Variants in LAMA2 observed in about 807,000 individuals in gnomAD.
LAMA2 encodes the protein laminin subunit alpha 2.
In LAMA2, 269 loss-of-function variants were observed where a neutral mutation model predicts 364.8. The observed-to-expected ratio is 0.74, with a 90% CI of 0.67 to 0.82. The LOEUF is 0.82. Among genes scored for constraint, LAMA2 ranks in the 40% least tolerant of loss-of-function variants. The pLI, the probability that LAMA2 is intolerant of heterozygous loss-of-function variation, is 0.00. For missense variants in LAMA2, 3,807 were observed against 3,873.2 expected, an observed-to-expected ratio of 0.98 and a Z score of 0.45; for synonymous variants, 1,379 against 1,370.6, an observed-to-expected ratio of 1.01 and a Z score of -0.14.
At chr6:129,145,672 G>A (rs559636575) in intron 5 of LAMA2, among the ~76,000 whole-genome samples, 3 of 151,858 alleles carry the variant, frequency 2.0e-5, no homozygotes, top group Admixed American at 6.6e-5. Context: ...TAACTTTATC[G>A]TACATGAGTC....
At chr6:129,050,368 T>C (rs1474798497) in intron 2 of LAMA2, among the ~76,000 whole-genome samples, 1 of 152,126 alleles carries the variant, frequency 6.6e-6, no homozygotes, top group Non-Finnish European at 1.5e-5. Context: ...TTTCTGAGGG[T>C]GTGGTTATTA....
intron 10 of LAMA2, 22 bp from the exon 11 acceptor site, chr6:129,190,183 T>C: frequency 6.2e-7 from 1 of 1,612,264 alleles, no homozygotes; most frequent in Non-Finnish European, 8.5e-7. Flanking sequence ...CCTCTGTTGC[T>C]GATACATCTC....
chr6:129,210,198 T>C (rs1783004242), intron 12 of LAMA2, among the ~76,000 whole-genome samples: 1 of 151,932 alleles, frequency 6.6e-6, no homozygotes, highest in Non-Finnish European at 1.5e-5. Flanking sequence ...TTCCCTAGAC[T>C]TTGACTTTCC....
Position 129,513,791 on chromosome 6 carries a change from TG to T in LAMA2, c.8989-580del, listed in dbSNP as rs143675935. On this transcript the variant is annotated intron_variant, in intron 63 of 64. Transcript: ENST00000421865. ...AGTTCTTCATTGTTAGGAATTTAAC[TG>T]GCCTTCTGGCTCAGGTCTTTGGCAC... 3.5e-3 allele frequency among the ~76,000 whole-genome samples: 538 copies of T among 152,310 alleles called. 1 individual carries two copies. Among genetic ancestry groups the T allele is most frequent in the African/African-American group, 0.012 (497 of 41,576 alleles).
intron 35 of LAMA2, among the ~76,000 whole-genome samples, chr6:129,388,696 C>T (rs1779160834): frequency 1.3e-5 from 2 of 152,080 alleles, no homozygotes; most frequent in South Asian, 2.1e-4. Flanking sequence ...CACACGCGCG[C>T]ACACACACAT....
intron 46 of LAMA2, 60 bp downstream of exon 46, chr6:129,453,191 T>A: frequency 4.8e-6 from 7 of 1,465,850 alleles, no homozygotes; most frequent in Non-Finnish European, 6.7e-6. Context: ...GAGGTTAATC[T>A]GAAAATGTAT....
chr6:129,053,186 C>A (rs1010251121), intron 2 of LAMA2, among the ~76,000 whole-genome samples: 2 of 152,192 alleles, frequency 1.3e-5, no homozygotes, highest in Admixed American at 6.5e-5. Context: ...TCAAGAGATT[C>A]TTCTGCCTCA....
intron 9 of LAMA2, among the ~76,000 whole-genome samples, chr6:129,177,102 T>C (rs138324772): frequency 6.6e-6 from 1 of 152,338 alleles, no homozygotes. Context: ...TGAATAAACA[T>C]TGTGTTTTGT....
In LAMA2 at chr6:129,024,871, C is replaced by T. The variant is rs190233278; in HGVS notation, c.113-25047C>T. ...GGCGGAGACAGGAGGACCCTTTGAG[C>T]TTAGGAGTCTGAGGTTATAGCACAC... On this transcript the variant is annotated intron_variant, in intron 1 of 64. Transcript: ENST00000421865. 3.1e-4 allele frequency among the ~76,000 whole-genome samples: 47 copies of T among 152,134 alleles called. No homozygotes were observed. The East Asian group carries it at 7.8e-3, about 25-fold the overall frequency.
At chr6:129,342,679 T>A (rs551277045) in intron 30 of LAMA2, among the ~76,000 whole-genome samples, 2 of 152,248 alleles carry the variant, frequency 1.3e-5, no homozygotes, top group African/African-American at 4.8e-5. Context: ...TAAATAATAC[T>A]TATTAATTAA....
intron 19 of LAMA2, 24 bp downstream of exon 19, chr6:129,288,082 C>T (rs886038292): frequency 2.5e-6 from 4 of 1,592,942 alleles, no homozygotes; most frequent in Non-Finnish European, 3.4e-6. Context: ...TATTGATGCC[C>T]CTGACAGAAT....
At chr6:129,190,457 C>T (rs1020095543) in intron 11 of LAMA2, 112 bp downstream of exon 11, 4 of 1,099,222 alleles carry the variant, frequency 3.6e-6, no homozygotes, top group Non-Finnish European at 5.3e-6. Flanking sequence ...CATAAAGTTA[C>T]AGGAAGAAGT....
At chr6:129,383,055 G>A (rs1778784034) in intron 34 of LAMA2, 67 bp from the exon 35 acceptor site, 1 of 1,287,860 alleles carries the variant, frequency 7.8e-7, no homozygotes, top group Admixed American at 1.8e-5. Context: ...TGCAGCCAGT[G>A]GGAGCTTATC....
chr6:129,458,777 GTGTAGTAGGCTA>G (rs1783098780), intron 48 of LAMA2, among the ~76,000 whole-genome samples: 1 of 152,014 alleles, frequency 6.6e-6, no homozygotes, highest in Non-Finnish European at 1.5e-5. Flanking sequence ...GAGCCTAGGT[GTGTAGTAGGCTA>G]TACCATCTAG....
intron 15 of LAMA2, among the ~76,000 whole-genome samples, chr6:129,265,766 A>T (rs913286775): frequency 6.6e-6 from 1 of 152,070 alleles, no homozygotes; most frequent in Admixed American, 6.6e-5. Flanking sequence ...TCTAATGTAG[A>T]TGATGGGTTG....
At position 128,929,748 on chromosome 6, in the gene LAMA2, C is replaced by T. The variant is rs1779335403; in HGVS notation, c.112+46391C>T. 2.7e-5 allele frequency: 33 copies of T among 1,208,916 alleles called. No homozygotes were observed. The South Asian group carries it at 3.7e-4, about 14-fold the overall frequency. 74.9% of individuals were successfully genotyped at this position (1,208,916 alleles called of 1,614,324 possible). Reference sequence around the variant, plus strand: ...TTCCCAATTCTTGTACCAATCGTAGCTGGATATTGGAAAACGTGTAAAACC... The same window carrying T: ...TTCCCAATTCTTGTACCAATCGTAGTTGGATATTGGAAAACGTGTAAAACC... On this transcript the variant is annotated intron_variant, in intron 1 of 64. Coordinates refer to ENST00000421865, the MANE Select transcript of LAMA2 (RefSeq NM_000426.4).
At chr6:129,149,735 A>C (rs919206305) in intron 7 of LAMA2, among the ~76,000 whole-genome samples, 1 of 152,172 alleles carries the variant, frequency 6.6e-6, no homozygotes, top group Non-Finnish European at 1.5e-5. Flanking sequence ...AACCAACTGC[A>C]GATCAAAAAT....
At chr6:129,359,078 G>A (rs1007612685) in intron 32 of LAMA2, among the ~76,000 whole-genome samples, 3 of 151,666 alleles carry the variant, frequency 2.0e-5, no homozygotes, top group African/African-American at 7.3e-5. Flanking sequence ...AGATAATGAT[G>A]GCAAAGTATA....
intron 3 of LAMA2, among the ~76,000 whole-genome samples, chr6:129,081,065 A>G (rs1238716526): frequency 6.6e-6 from 1 of 152,240 alleles, no homozygotes; most frequent in Non-Finnish European, 1.5e-5. Context: ...ATGTAGCCAT[A>G]AAAAATGAAG....
Sources: gnomAD v4.1 joint callset for allele counts (sites outside exome capture counted in the v4.1 genomes callset) on GRCh38, gnomAD v4.1.1 for gene constraint, MANE v1.5 for transcripts, NCBI Gene and HGNC (gene_info 2026-07-23, HGNC 2026-07-21) for gene names.